Variants in FBN3 observed in about 807,000 individuals in gnomAD.
FBN3 encodes the protein fibrillin-3.
Under a neutral mutation model 330.1 loss-of-function variants are expected in FBN3, and 234 were observed. That is an observed-to-expected ratio of 0.71 (90% CI 0.64 to 0.79). The LOEUF (loss-of-function observed/expected upper bound fraction) is 0.79, where lower values mean the gene tolerates loss of function less well. FBN3 is among the 30% of genes least tolerant of loss of function. The probability of loss-of-function intolerance (pLI) is 0.00; values close to 1 mark genes in which losing one functional copy is unlikely to be tolerated. For missense variants in FBN3, 3,606 were observed against 3,886.9 expected (o/e 0.93, Z 1.92); for synonymous variants, 1,458 against 1,517.3 (o/e 0.96, Z 0.91).
chr19:8,116,467 C>T (rs1297864994), intron 29 of FBN3, among the ~76,000 whole-genome samples: 1 of 152,184 alleles, frequency 6.6e-6, no homozygotes, highest in African/African-American at 2.4e-5. Context: ...AATGGGATCT[C>T]ATGGGCTTTG....
chr19:8,093,965 G>T (rs2082155461), intron 47 of FBN3, among the ~76,000 whole-genome samples: 1 of 152,080 alleles, frequency 6.6e-6, no homozygotes, highest in African/African-American at 2.4e-5. Context: ...GTCCAGGTTA[G>T]ACCACAGTGA....
intron 13 of FBN3, among the ~76,000 whole-genome samples, chr19:8,135,173 C>T (rs2083249925): frequency 6.6e-6 from 1 of 150,934 alleles, no homozygotes; most frequent in Non-Finnish European, 1.5e-5. Context: ...GAGACAGGGT[C>T]TTGCTGTGTT....
In FBN3 at chr19:8,136,266, G is replaced by A. The variant is rs776547413; in HGVS notation, c.1389C>T (p.Cys463=). Residue 463 remains cysteine (C), a synonymous_variant, in exon 12 of 64, where the codon TGC becomes TGT. Coordinates refer to ENST00000600128, the MANE Select transcript of FBN3 (RefSeq NM_032447.5). ...CTSSPCHHGD[C]VNIPGTYHCR... ...AGTGGTAGGTGCCGGGGATGTTGAC[G>A]CAGTCACCGTGGTGGCAGGGGCTGC... is the stretch of plus-strand genomic sequence containing the variant. 15 of 1,606,208 alleles carry A rather than the reference G, an allele frequency of 9.3e-6. No individual in the cohort carries two copies. The highest frequency in any genetic ancestry group is 3.3e-5 in the South Asian group (3 of 89,984).
rs1224578129 is a variant in FBN3, at chr19:8,149,180, G to T, written c.-18+269C>A. ...CGATCTCCACCCGGCAGGGCCCCCG[G>T]CCGCGACCACGCTTGGCTCCGCCCT... On this transcript the variant is annotated intron_variant, in intron 1 of 63. Coordinates refer to ENST00000600128, the MANE Select transcript of FBN3 (RefSeq NM_032447.5). The surrounding 1 kb of genome is among the most constrained non-coding windows in gnomAD (Gnocchi z 5.5). 6.6e-6 allele frequency among the ~76,000 whole-genome samples: 1 copy of T among 151,894 alleles called. No homozygotes were observed. The highest frequency in any genetic ancestry group is 2.4e-5 in the African/African-American group (1 of 41,386).
chr19:8,120,251 C>T (rs969176081), intron 25 of FBN3, among the ~76,000 whole-genome samples: 3 of 149,668 alleles, frequency 2.0e-5, no homozygotes, highest in African/African-American at 7.4e-5. Flanking sequence ...CTCACTGCAA[C>T]CTCCACCTCC....
rs771874170 is a variant in FBN3 at position 8,126,283 on chromosome 19, G to A, written c.2605+14C>T. ...CTGGAGTAGGGGGTGAGCTGGACACGGGCAGGCAGTTACCATCGCAGGTGA... is the reference window on the plus strand; with the variant it reads ...CTGGAGTAGGGGGTGAGCTGGACACAGGCAGGCAGTTACCATCGCAGGTGA... On this transcript the variant is annotated intron_variant, in intron 21 of 63. Coordinates refer to ENST00000600128, the MANE Select transcript of FBN3 (RefSeq NM_032447.5). 30 of 1,583,530 alleles carry A rather than the reference G, an allele frequency of 1.9e-5. No individual in the cohort carries two copies. The highest frequency in any genetic ancestry group is 8.1e-5 in the South Asian group (7 of 86,412).
intron 46 of FBN3, among the ~76,000 whole-genome samples, chr19:8,095,142 A>G (rs1008476950): frequency 1.3e-5 from 2 of 151,994 alleles, no homozygotes; most frequent in African/African-American, 4.8e-5. Context: ...TGGCTAATTT[A>G]AATTTCTTTG....
chr19:8,070,402 A>T (rs1459853885), intron 63 of FBN3, among the ~76,000 whole-genome samples: 2 of 152,194 alleles, frequency 1.3e-5, no homozygotes, highest in Non-Finnish European at 2.9e-5. Context: ...GTTGTTGTTC[A>T]CTGTTGCTCC....
rs749453532 is a variant in FBN3 at position 8,111,696 on chromosome 19, G to T, written c.4036C>A (p.Arg1346Ser). 6.2e-7 allele frequency: 1 copy of T among 1,600,536 alleles called. No individual in the cohort carries two copies. Among genetic ancestry groups the T allele is most frequent in the African/African-American group, 1.4e-5 (1 of 73,854 alleles). Residue 1346 changes from arginine (R) to serine (S), a missense_variant, in exon 32 of 64, where the codon CGC becomes AGC. Transcript: ENST00000600128. Reference sequence around the variant, plus strand: ...GCAAAGCCCTGGCGGCAGGTGCAGCGGTAGGAGCCAGGGACATTGAGACAG... The same window carrying T: ...GCAAAGCCCTGGCGGCAGGTGCAGCTGTAGGAGCCAGGGACATTGAGACAG... ...GDCLNVPGSY[R>S]CTCRQGFAGD...
In FBN3 at chr19:8,136,083, A is replaced by T; in HGVS notation, c.1469T>A (p.Val490Glu). Residue 490 changes from valine to glutamate, a missense_variant, in exon 13 of 64, where the codon GTG becomes GAG. Transcript: ENST00000600128. ...ATPTRQACVD[V>E]DECIVSGGLC... ...GCCACCACTGACAATGCACTCGTCC[A>T]CATCTGCGGGGAAGGCAGGCGGGCA... The T allele has an allele frequency of 6.2e-7, 1 of 1,613,932 alleles. No individual in the cohort carries two copies. The highest frequency in any genetic ancestry group is 8.5e-7 in the Non-Finnish European group (1 of 1,179,900).
intron 46 of FBN3, 101 bp downstream of exon 46, chr19:8,095,272 CTT>C: frequency 1.7e-6 from 2 of 1,208,948 alleles, no homozygotes; most frequent in South Asian, 3.3e-5. Flanking sequence ...AAAATAAATG[CTT>C]GGGTAGTAAA....
At chr19:8,072,391 T>A (rs1476085578) in intron 62 of FBN3, among the ~76,000 whole-genome samples, 193 bp from the exon 63 acceptor site, 1 of 152,094 alleles carries the variant, frequency 6.6e-6, no homozygotes, top group African/African-American at 2.4e-5. Context: ...TGCATGTGTG[T>A]CCCTTGGTTC....
intron 2 of FBN3, 52 bp from the exon 3 acceptor site, chr19:8,147,238 C>T (rs758949616): frequency 6.4e-7 from 1 of 1,557,002 alleles, no homozygotes; most frequent in South Asian, 1.2e-5. Context: ...GTGGACATCC[C>T]CCCGGGTATT....
At position 8,087,867 on chromosome 19, in the gene FBN3, G is replaced by T; in HGVS notation, c.6577C>A (p.Pro2193Thr). ...NTEGSYLCTC[P>T]AGYTLREDGA... ...TCCTCCCGCAGGGTGTAGCCGGCTG[G>T]ACAGGTGCACAGGTAGGAGCCCTCG... Residue 2193 changes from proline (P) to threonine (T), a missense_variant, in exon 53 of 64, where the codon CCA becomes ACA. Pro to Thr is a conservative substitution (Grantham distance 38). Coordinates refer to ENST00000600128, the MANE Select transcript of FBN3 (RefSeq NM_032447.5). 6.2e-7 allele frequency: 1 copy of T among 1,614,146 alleles called. No homozygotes were observed. Among genetic ancestry groups the T allele is most frequent in the Non-Finnish European group, 8.5e-7 (1 of 1,180,028 alleles).
At chr19:8,123,654 C>A in intron 23 of FBN3, 65 bp from the exon 24 acceptor site, 1 of 1,605,334 alleles carries the variant, frequency 6.2e-7, no homozygotes, top group Non-Finnish European at 8.5e-7. Context: ...ACCAAGCCCT[C>A]CCTGGGTTCT....
At chr19:8,088,223 C>G in intron 51 of FBN3, 44 bp from the exon 52 acceptor site, 1 of 1,546,338 alleles carries the variant, frequency 6.5e-7, no homozygotes, top group Non-Finnish European at 8.7e-7. Flanking sequence ...AGAGGGTCCC[C>G]CATCCTCAGT....
chr19:8,095,222 C>T (rs1599325922), intron 46 of FBN3, among the ~76,000 whole-genome samples, 153 bp downstream of exon 46: 1 of 148,870 alleles, frequency 6.7e-6, no homozygotes, highest in Middle Eastern at 3.4e-3. Flanking sequence ...CCTTCTGCCT[C>T]AGCCTCCCAA....
chr19:8,149,231 C>T lies in FBN3; in HGVS notation c.-18+218G>A, dbSNP rs879279205. Among the ~76,000 whole-genome samples the T allele has an allele frequency of 1.9e-3, 293 of 151,990 alleles. 1 individual carries two copies. The highest frequency in any genetic ancestry group is 5.6e-3 in the Admixed American group (85 of 15,266). ...CACCTGTGGGGTCAGGGGCCCCGCG[C>T]CCCGGCCGAGCCCCTCCCGCCGGGT... On this transcript the variant is annotated intron_variant, in intron 1 of 63. Transcript: ENST00000600128. The surrounding 1 kb of genome is among the most constrained non-coding windows in gnomAD (Gnocchi z 5.5).
rs62123271 is a variant in FBN3 at position 8,136,382 on chromosome 19, G to T, written c.1345+6C>A. On this transcript the variant is annotated splice_donor_region_variant and intron_variant, in intron 11 of 63. Coordinates refer to ENST00000600128, the MANE Select transcript of FBN3 (RefSeq NM_032447.5). ...CCGCCCCCCCTTCCACCTGGCCGCG[G>T]CTCACCAATGCACTCGCCGCGCACG... The T allele has an allele frequency of 0.11, 169,836 of 1,612,070 alleles. 9,646 individuals carry two copies. Among genetic ancestry groups the T allele is most frequent in the Non-Finnish European group, 0.12 (139,027 of 1,178,568 alleles).
Sources: gnomAD v4.1 joint callset for allele counts (sites outside exome capture counted in the v4.1 genomes callset) on GRCh38, gnomAD v4.1.1 for gene constraint, Gnocchi (gnomAD v3.1) non-coding constraint, MANE v1.5 for transcripts, NCBI Gene and HGNC (gene_info 2026-07-23, HGNC 2026-07-21) for gene names.